Variants in GIGYF1 observed in about 807,000 individuals in gnomAD.
The protein encoded by GIGYF1 is GRB10-interacting GYF protein 1.
A neutral mutation model predicts 147.1 loss-of-function variants in GIGYF1; 84 were observed. The observed-to-expected ratio is 0.57, with a 90% confidence interval of 0.48 to 0.68. GIGYF1 has a LOEUF of 0.68. Among genes scored for constraint, GIGYF1 ranks in the 30% least tolerant of loss-of-function variants. The pLI is 0.00. For synonymous variants in GIGYF1, 752 were observed against 589.5 expected, an observed-to-expected ratio of 1.28 and a Z score of -3.99; for missense variants, 1,485 against 1,393.7, an observed-to-expected ratio of 1.07 and a Z score of -1.04.
intron 3 of GIGYF1, 35 bp downstream of exon 3, chr7:100,688,416 A>C: frequency 1.4e-6 from 1 of 707,998 alleles, no homozygotes; most frequent in Non-Finnish European, 2.5e-6. Context: ...GCCCCGGACT[A>C]GCTGGTGGGT....
rs1804609149 is a variant in GIGYF1, at chr7:100,680,290, T to TGGAG, written c.*1425_*1428dup. ...AGGGCAGGAGGGAGAAATACATTCATGGAGGGAGGCAGTGGCGAAGCCTTG... is the reference window on the plus strand; with the variant it reads ...AGGGCAGGAGGGAGAAATACATTCATGGAGGGAGGGAGGCAGTGGCGAAGCCTTG... On this transcript the variant is annotated 3_prime_UTR_variant, in exon 27 of 27. Coordinates refer to ENST00000678049, the MANE Select transcript of GIGYF1 (RefSeq NM_001375765.1). 6.6e-6 allele frequency: 1 copy of TGGAG among 151,728 alleles called. No individual in the cohort carries two copies. The highest frequency in any genetic ancestry group is 2.4e-5 in the African/African-American group (1 of 41,034). 9.4% of individuals were successfully genotyped at this position (151,728 alleles called of 1,614,324 possible). A position where few individuals can be genotyped will look rare whatever the true frequency, so the allele number is the denominator to read the frequency against.
rs576297037 is a variant in GIGYF1, at chr7:100,687,927, T to TC, written c.166-45dup. On this transcript the variant is annotated intron_variant, in intron 5 of 26. Coordinates refer to ENST00000678049, the MANE Select transcript of GIGYF1 (RefSeq NM_001375765.1). ...AGCCAAGACACCACATGCTGCCAGA[T>TC]CCCCTCCACAGGCAGAGGCCACCAC... is the stretch of plus-strand genomic sequence containing the variant. 8.5e-5 allele frequency: 137 copies of TC among 1,612,010 alleles called. No individual in the cohort carries two copies. In the East Asian group the frequency reaches 2.2e-3, roughly 25 times the overall value.
In GIGYF1 at chr7:100,685,191, A is replaced by G. The variant is rs377742120; in HGVS notation, c.1193-45T>C. 43 of 1,526,580 alleles carry G rather than the reference A, an allele frequency of 2.8e-5. 3 individuals are homozygous for G. The South Asian group carries it at 4.6e-4, about 16-fold the overall frequency. The allele number at this position is 1,526,580 out of a possible 1,614,324, so 94.6% of individuals were successfully genotyped here. On this transcript the variant is annotated intron_variant, in intron 13 of 26. Coordinates refer to ENST00000678049, the MANE Select transcript of GIGYF1 (RefSeq NM_001375765.1). ...AGGTGGAAAGAAGGGCGGGGAGGAG[A>G]CAAGATAGCTTTCGCCTACTCTCAC... is the stretch of plus-strand genomic sequence containing the variant.
rs141450038 is a variant in GIGYF1, at chr7:100,686,364, C to G, written c.764G>C (p.Arg255Pro). ...TTCACCACACCCTCCTCGATCCCCT[C>G]GCAAATCAAATTCAAACTTGCGCCG... is the stretch of plus-strand genomic sequence containing the variant. ...ERRRKFEFDL[R>P]GDRGGCGEEE... Residue 255 changes from arginine (R) to proline (P), a missense_variant, in exon 11 of 27, where the codon CGA (arginine) becomes CCA (proline). Physicochemically the swap from Arg to Pro is moderately radical, Grantham distance 103. Transcript: ENST00000678049. The G allele has an allele frequency of 6.2e-7, 1 of 1,612,662 alleles. No homozygotes were observed. Among genetic ancestry groups the G allele is most frequent in the Non-Finnish European group, 8.5e-7 (1 of 1,179,476 alleles).
intron 19 of GIGYF1, 78 bp from the exon 20 acceptor site, chr7:100,683,710 C>G (rs1805024377): frequency 6.4e-7 from 1 of 1,556,822 alleles, no homozygotes. Context: ...CAGCAGTGGG[C>G]TCCCCAGCCA....
chr7:100,691,764 C>T (rs1293044768), intron 1 of GIGYF1, among the ~76,000 whole-genome samples: 3 of 152,154 alleles, frequency 2.0e-5, no homozygotes, highest in South Asian at 2.1e-4. Context: ...CCCACCCCTT[C>T]TCTTTCTCGG....
rs771187029 is a variant in GIGYF1, at chr7:100,684,321, T to G, written c.1646A>C (p.Glu549Ala). The change falls in exon 17 of 27, where the codon GAG (glutamate) becomes GCG (alanine). Residue 549 changes from glutamate (E) to alanine (A), a missense_variant. By Grantham distance (107) the Glu-to-Ala change is moderately radical. Transcript: ENST00000678049. ...PPPLLGNMDQERLKKQQELAA... is the reference protein window; with the variant it reads ...PPPLLGNMDQARLKKQQELAA... ...CAGCTCCTGTTGCTTCTTCAGCCGCTCCTGGTCCATGTTTCCCTGCTCAGG... is the reference window on the plus strand; with the variant it reads ...CAGCTCCTGTTGCTTCTTCAGCCGCGCCTGGTCCATGTTTCCCTGCTCAGG... 23 of 1,597,724 alleles carry G rather than the reference T, an allele frequency of 1.4e-5. No individual in the cohort carries two copies. The highest frequency in any genetic ancestry group is 2.7e-5 in the African/African-American group (2 of 74,574).
intron 10 of GIGYF1, 22 bp from the exon 11 acceptor site, chr7:100,686,455 G>T: frequency 6.4e-7 from 1 of 1,563,438 alleles, no homozygotes. Context: ...AAGTCAGGGA[G>T]AAGAAGAGTG....
At position 100,688,060 on chromosome 7, in the gene GIGYF1, G is replaced by A; in HGVS notation, c.86C>T (p.Pro29Leu). The change falls in exon 5 of 27, where the codon CCT (proline) becomes CTT (leucine). Residue 29 changes from proline (P) to leucine (L), a missense_variant. Transcript: ENST00000678049. ...GGSVASPPPS[P>L]AMPKYKLADY... is the part of the protein sequence containing the mutation. ...AGCCAGCTTGTATTTGGGCATGGCA[G>A]GGGACGGGGGTGGGGAGGCCACGCT... 1 of 1,613,138 alleles carries A rather than the reference G, an allele frequency of 6.2e-7. No individual in the cohort carries two copies. Among genetic ancestry groups the A allele is most frequent in the Middle Eastern group, 1.7e-4 (1 of 6,056 alleles).
In GIGYF1 at chr7:100,681,708, G is replaced by T. The variant is rs762980608; in HGVS notation, c.*11C>A. On this transcript the variant is annotated 3_prime_UTR_variant, in exon 27 of 27. Coordinates refer to ENST00000678049, the MANE Select transcript of GIGYF1 (RefSeq NM_001375765.1). ...CTGGCCTACAGCCCAGGGGCTGGGG[G>T]TCCGGGCTGGTCAGTAGTCATCCAC... 3.2e-6 allele frequency: 5 copies of T among 1,549,636 alleles called. No homozygotes were observed. Among genetic ancestry groups the T allele is most frequent in the Non-Finnish European group, 4.4e-6 (5 of 1,148,164 alleles).
rs555173229 is a variant in GIGYF1 at position 100,681,712 on chromosome 7, G to A, written c.*7C>T. 8.6e-5 allele frequency: 133 copies of A among 1,554,178 alleles called. No homozygotes were observed. In the South Asian group the frequency reaches 8.6e-4, roughly 10 times the overall value. The stretch of plus-strand genomic sequence containing the variant: ...CCTACAGCCCAGGGGCTGGGGGTCC[G>A]GGCTGGTCAGTAGTCATCCACGCTC... On this transcript the variant is annotated 3_prime_UTR_variant, in exon 27 of 27. Coordinates refer to ENST00000678049, the MANE Select transcript of GIGYF1 (RefSeq NM_001375765.1).
In GIGYF1 at chr7:100,683,544, A is replaced by C; in HGVS notation, c.2052+6T>G. 6.2e-7 allele frequency: 1 copy of C among 1,614,050 alleles called. No homozygotes were observed. The highest frequency in any genetic ancestry group is 8.5e-7 in the Non-Finnish European group (1 of 1,179,882). On this transcript the variant is annotated splice_donor_region_variant and intron_variant, in intron 20 of 26. Coordinates refer to ENST00000678049, the MANE Select transcript of GIGYF1 (RefSeq NM_001375765.1). ...CCAGGGCCTCAGCCCCAGGATGCCC[A>C]CTCACTTTATGTTGCAGCTGGAGTT...
intron 22 of GIGYF1, 110 bp downstream of exon 22, chr7:100,682,902 G>A (rs990517376): frequency 1.6e-6 from 2 of 1,268,998 alleles, no homozygotes. Context: ...TGCCATCACA[G>A]GAGAGGCTGG....
chr7:100,681,789 C>G lies in GIGYF1; in HGVS notation c.3056-18G>C. On this transcript the variant is annotated intron_variant, in intron 26 of 26. Coordinates refer to ENST00000678049, the MANE Select transcript of GIGYF1 (RefSeq NM_001375765.1). ...GGAGTACCCTGAAGCCGGGGAGAAG[C>G]TGCGTCTGAGCTCTCTCCTGGGCTC... 6.3e-7 allele frequency: 1 copy of G among 1,590,424 alleles called. No individual in the cohort carries two copies. Among genetic ancestry groups the G allele is most frequent in the Non-Finnish European group, 8.6e-7 (1 of 1,167,254 alleles).
chr7:100,690,905 A>C (rs1416544512), intron 1 of GIGYF1, among the ~76,000 whole-genome samples: 1 of 151,844 alleles, frequency 6.6e-6, no homozygotes, highest in Non-Finnish European at 1.5e-5. Flanking sequence ...TCTTGGCTGC[A>C]AGGGGCACAC....
rs878967622 is a variant in GIGYF1 at position 100,683,702 on chromosome 7, G to A, written c.1970-70C>T. On this transcript the variant is annotated intron_variant, in intron 19 of 26. Coordinates refer to ENST00000678049, the MANE Select transcript of GIGYF1 (RefSeq NM_001375765.1). Reference sequence around the variant, plus strand: ...GGCCCACTGATCTAGTCCAGCCGCAGCAGTGGGCTCCCCAGCCAGAATGGC... The same window carrying A: ...GGCCCACTGATCTAGTCCAGCCGCAACAGTGGGCTCCCCAGCCAGAATGGC... The A allele has an allele frequency of 7.1e-6, 11 of 1,555,352 alleles. No individual in the cohort carries two copies. The East Asian group carries it at 1.3e-4, about 19-fold the overall frequency.
intron 1 of GIGYF1, among the ~76,000 whole-genome samples, chr7:100,690,340 T>A (rs989816231): frequency 6.6e-6 from 1 of 151,078 alleles, no homozygotes; most frequent in Non-Finnish European, 1.5e-5. Context: ...TGGGAGAGAG[T>A]AGAACAGAAA....
In GIGYF1 at chr7:100,686,839, G is replaced by A. The variant is rs767448451; in HGVS notation, c.524-20C>T. ...ATCGTGCTGGGAGACGGGAAGACAGGGGCAGTTATTAGAAAGGCAGCGTGG... is the reference window on the plus strand; with the variant it reads ...ATCGTGCTGGGAGACGGGAAGACAGAGGCAGTTATTAGAAAGGCAGCGTGG... On this transcript the variant is annotated intron_variant, in intron 9 of 26. Transcript: ENST00000678049. 7 of 1,612,658 alleles carry A rather than the reference G, an allele frequency of 4.3e-6. No homozygotes were observed. In the Admixed American group the frequency reaches 6.7e-5, roughly 15 times the overall value.
rs957563056 is a variant in GIGYF1, at chr7:100,680,786, G to A, written c.*933C>T. On this transcript the variant is annotated 3_prime_UTR_variant, in exon 27 of 27. Coordinates refer to ENST00000678049, the MANE Select transcript of GIGYF1 (RefSeq NM_001375765.1). The stretch of plus-strand genomic sequence containing the variant: ...CAATCATCCACCCCCGCCGCTCACA[G>A]GGGTGAGGCAGCTCAGGCAGGGGTG... 1.3e-5 allele frequency: 2 copies of A among 152,778 alleles called. No individual in the cohort carries two copies. The highest frequency in any genetic ancestry group is 4.8e-5 in the African/African-American group (2 of 41,450). 9.5% of individuals were successfully genotyped at this position (152,778 alleles called of 1,614,324 possible). A position where few individuals can be genotyped will look rare whatever the true frequency, so the allele number is the denominator to read the frequency against.
Sources: allele counts gnomAD v4.1 joint callset (sites outside exome capture counted in the v4.1 genomes callset), GRCh38; gene constraint gnomAD v4.1.1; transcripts MANE v1.5; gene names NCBI Gene and HGNC (gene_info 2026-07-23, HGNC 2026-07-21).